The following PPIG variants were observed in gnomAD, a reference collection of about 807,000 sequenced individuals.
PPIG encodes peptidylprolyl isomerase G.
A neutral mutation model predicts 87.9 loss-of-function variants in PPIG; 26 were observed. That is an observed-to-expected ratio of 0.30 (90% CI 0.22 to 0.41). The LOEUF is 0.41. Among genes scored for constraint, PPIG ranks in the 10% least tolerant of loss-of-function variants. The pLI is 1.00. For synonymous variants in PPIG, 308 were observed against 276.5 expected (o/e 1.11, Z -1.13); for missense variants, 722 against 879.4 (o/e 0.82, Z 2.26).
chr2:169,631,755 T>C lies in PPIG; in HGVS notation c.762-11T>C. 6.2e-7 allele frequency: 1 copy of C among 1,613,736 alleles called. No homozygotes were observed. Among genetic ancestry groups the C allele is most frequent in the East Asian group, 2.2e-5 (1 of 44,838 alleles). ...AACTGTAACTTGTTTTGTGTGTTTC[T>C]GTCTGTTAAGTGCATCTAGTGAGAG... On this transcript the variant is annotated splice_polypyrimidine_tract_variant and intron_variant, in intron 10 of 13. Transcript: ENST00000260970.
chr2:169,601,389 G>C (rs1027544762), intron 1 of PPIG, among the ~76,000 whole-genome samples: 2 of 152,102 alleles, frequency 1.3e-5, no homozygotes, highest in Non-Finnish European at 2.9e-5. Context: ...TCACATCATG[G>C]AACTTATATT....
chr2:169,640,639 T>A lies in PPIG; in HGVS notation c.*3116T>A, dbSNP rs2105529433. On this transcript the variant is annotated 3_prime_UTR_variant, in exon 14 of 14. Coordinates refer to ENST00000260970, the MANE Select transcript of PPIG (RefSeq NM_004792.3). ...TTCCTTTTGATTATGTTTACTGTAA[T>A]TATTTCATTTTGGATTTATACATTT... 6.6e-6 allele frequency: 1 copy of A among 152,352 alleles called. No individual in the cohort carries two copies. The highest frequency in any genetic ancestry group is 2.1e-4 in the South Asian group (1 of 4,832). The allele number at this position is 152,352 out of a possible 1,614,324, so 9.4% of individuals were successfully genotyped here. A position where few individuals can be genotyped will look rare whatever the true frequency, so the allele number is the denominator to read the frequency against.
chr2:169,598,183 T>C (rs1685074489), intron 1 of PPIG, among the ~76,000 whole-genome samples: 1 of 151,710 alleles, frequency 6.6e-6, no homozygotes, highest in East Asian at 2.0e-4. Context: ...ATATTTTCTG[T>C]AGAGACGGTT....
At chr2:169,629,262 A>G (rs1271422844) in intron 9 of PPIG, among the ~76,000 whole-genome samples, 4 of 152,120 alleles carry the variant, frequency 2.6e-5, no homozygotes, top group African/African-American at 9.7e-5. Flanking sequence ...TCCCTTTCCT[A>G]TTATTTTGAA....
intron 1 of PPIG, among the ~76,000 whole-genome samples, chr2:169,588,451 CTT>C (rs1373224704): frequency 2.0e-5 from 3 of 152,126 alleles, no homozygotes; most frequent in African/African-American, 4.8e-5. Flanking sequence ...CATTTCATCT[CTT>C]TTGTCCTCTT....
intron 1 of PPIG, among the ~76,000 whole-genome samples, chr2:169,599,443 G>C (rs1011512727): frequency 6.6e-6 from 1 of 151,792 alleles, no homozygotes; most frequent in African/African-American, 2.4e-5. Context: ...AGACATTTAA[G>C]TTGTTTGTGC....
intron 4 of PPIG, 45 bp downstream of exon 4, chr2:169,604,306 T>TGTGG (rs1361622386): frequency 1.1e-6 from 1 of 918,916 alleles, no homozygotes; most frequent in Non-Finnish European, 1.6e-6. Flanking sequence ...CTCAGTTGAC[T>TGTGG]ATGGCTTGCT....
chr2:169,598,909 ATATT>A (rs1319058776), intron 1 of PPIG, among the ~76,000 whole-genome samples: 85 of 140,260 alleles, frequency 6.1e-4, no homozygotes, highest in African/African-American at 2.1e-3. Flanking sequence ...ATATAGGTAA[ATATT>A]TATATTTATA....
chr2:169,624,792 A>G (rs958126261), intron 9 of PPIG, among the ~76,000 whole-genome samples: 33 of 152,144 alleles, frequency 2.2e-4, no homozygotes, highest in Admixed American at 1.2e-3. Flanking sequence ...GGGTTTCACC[A>G]TGTTAGCCAG....
intron 1 of PPIG, among the ~76,000 whole-genome samples, chr2:169,594,379 T>C (rs1332598466): frequency 6.6e-6 from 1 of 151,294 alleles, no homozygotes; most frequent in Non-Finnish European, 1.5e-5. Flanking sequence ...TGTTTCCTGA[T>C]TACGAAATTG....
intron 1 of PPIG, among the ~76,000 whole-genome samples, chr2:169,597,178 ATATAT>A (rs1213173560): frequency 5.9e-5 from 9 of 152,212 alleles, no homozygotes; most frequent in Non-Finnish European, 1.3e-4. Flanking sequence ...TTAATAGATA[ATATAT>A]TCATGTGGTA....
rs1686300204 is a variant in PPIG, at chr2:169,641,060, C to G, written c.*3537C>G. On this transcript the variant is annotated 3_prime_UTR_variant, in exon 14 of 14. Transcript: ENST00000260970. ...AAAGCACATGCTGTATATTTTCTTC[C>G]CCTTTTGTGTGTATATAGTATTTTG... 6.6e-6 allele frequency: 1 copy of G among 151,978 alleles called. No homozygotes were observed. The highest frequency in any genetic ancestry group is 1.5e-5 in the Non-Finnish European group (1 of 67,988). 9.4% of individuals were successfully genotyped at this position (151,978 alleles called of 1,614,324 possible).
At chr2:169,592,117 A>G (rs775023977) in intron 1 of PPIG, among the ~76,000 whole-genome samples, 2 of 148,234 alleles carry the variant, frequency 1.3e-5, no homozygotes, top group Admixed American at 6.8e-5. Context: ...TTTAATAGAG[A>G]TGGGGTCTTG....
chr2:169,614,812 A>C, intron 9 of PPIG, 88 bp downstream of exon 9: 1 of 1,378,632 alleles, frequency 7.3e-7, no homozygotes, highest in Non-Finnish European at 9.7e-7. Context: ...ATTCATACTC[A>C]AGCTGAAAGA....
chr2:169,621,414 C>T (rs550179410), intron 9 of PPIG, among the ~76,000 whole-genome samples: 2 of 152,084 alleles, frequency 1.3e-5, no homozygotes, highest in Admixed American at 6.5e-5. Flanking sequence ...TGCTTCAGCT[C>T]ATGGGATTTC....
At chr2:169,591,781 AT>A (rs35299903) in intron 1 of PPIG, among the ~76,000 whole-genome samples, 18 of 149,500 alleles carry the variant, frequency 1.2e-4, no homozygotes, top group African/African-American at 2.4e-4. Context: ...ACATATTGTG[AT>A]TTTTTTTTTT....
chr2:169,614,541 A>C (rs1685565046), intron 8 of PPIG, 44 bp from the exon 9 acceptor site: 2 of 1,565,208 alleles, frequency 1.3e-6, no homozygotes, highest in Admixed American at 2.0e-5. Flanking sequence ...ATTAACCTTG[A>C]AATAAAAAGC....
chr2:169,585,279 T>TTTTTTTTTTTTTTTA (rs71006004), intron 1 of PPIG, among the ~76,000 whole-genome samples: 2 of 149,468 alleles, frequency 1.3e-5, no homozygotes, highest in Admixed American at 6.7e-5. Context: ...TCTTTTTTTT[T>TTTTTTTTTTTTTTTA]GAGACGGAGT....
chr2:169,597,272 GC>G (rs1685044841), intron 1 of PPIG, among the ~76,000 whole-genome samples: 1 of 151,892 alleles, frequency 6.6e-6, no homozygotes, highest in South Asian at 2.1e-4. Context: ...CTCCCTAGAT[GC>G]CTTTTTGTTA....
Sources: allele counts gnomAD v4.1 joint callset (sites outside exome capture counted in the v4.1 genomes callset), GRCh38; gene constraint gnomAD v4.1.1; transcripts MANE v1.5; gene names NCBI Gene and HGNC (gene_info 2026-07-23, HGNC 2026-07-21).